LDLRAD4: variants seen among roughly 807,000 people sequenced by gnomAD.
The protein encoded by LDLRAD4 is low density lipoprotein receptor class A domain containing 4.
Under a neutral mutation model 17.0 loss-of-function variants are expected in LDLRAD4, and 5 were observed. The observed-to-expected ratio is 0.29, with a 90% CI of 0.15 to 0.62. The LOEUF is 0.62. Among genes scored for constraint, LDLRAD4 ranks in the 20% least tolerant of loss-of-function variants. LDLRAD4 has a pLI of 0.84. For synonymous variants in LDLRAD4, 168 were observed against 171.8 expected (o/e 0.98, Z 0.17); for missense variants, 340 against 424.7 (o/e 0.80, Z 1.75).
chr18:13,590,322 G>A (rs2095002740), intron 3 of LDLRAD4, among the ~76,000 whole-genome samples: 3 of 137,534 alleles, frequency 2.2e-5, no homozygotes, highest in African/African-American at 5.6e-5. Context: ...GTGTTGGTAT[G>A]TGTATGTGGG....
chr18:13,459,966 C>G (rs368092082), intron 3 of LDLRAD4: 1 of 153,984 alleles, frequency 6.5e-6, no homozygotes, highest in African/African-American at 2.4e-5. Flanking sequence ...CTGGCTCCAG[C>G]CCTGTCACAT....
At chr18:13,620,463 C>T (rs964965608) in intron 3 of LDLRAD4, among the ~76,000 whole-genome samples, 17 of 152,198 alleles carry the variant, frequency 1.1e-4, no homozygotes, top group Non-Finnish European at 2.1e-4. Context: ...CCAGGCCGCC[C>T]GTGAGCCCTC....
At chr18:13,349,255 A>G (rs1293856285) in intron 1 of LDLRAD4, among the ~76,000 whole-genome samples, 1 of 152,246 alleles carries the variant, frequency 6.6e-6, no homozygotes, top group Non-Finnish European at 1.5e-5. Flanking sequence ...TTTAATATCA[A>G]TGTCATACAA....
chr18:13,359,181 A>G (rs1308687400), intron 1 of LDLRAD4, among the ~76,000 whole-genome samples: 4 of 152,184 alleles, frequency 2.6e-5, no homozygotes, highest in South Asian at 2.1e-4. Flanking sequence ...GCATTGACAC[A>G]CTATAGGTGG....
chr18:13,289,312 C>G (rs1225499545), intron 1 of LDLRAD4, among the ~76,000 whole-genome samples: 1 of 152,188 alleles, frequency 6.6e-6, no homozygotes, highest in Admixed American at 6.5e-5. Context: ...GGTGTATAAA[C>G]TGAGGAAATG....
intron 1 of LDLRAD4, among the ~76,000 whole-genome samples, chr18:13,239,359 G>A (rs933473495): frequency 1.3e-5 from 2 of 152,038 alleles, no homozygotes; most frequent in African/African-American, 4.8e-5. Context: ...GGAACAAAGG[G>A]GAGTGCAGGG....
At chr18:13,523,983 G>A (rs1225244188) in intron 3 of LDLRAD4, among the ~76,000 whole-genome samples, 1 of 152,192 alleles carries the variant, frequency 6.6e-6, no homozygotes, top group African/African-American at 2.4e-5. Context: ...CTCTGCCTTG[G>A]CCTGGACACA....
chr18:13,228,596 C>G (rs981384326), intron 1 of LDLRAD4, among the ~76,000 whole-genome samples: 1 of 152,256 alleles, frequency 6.6e-6, no homozygotes, highest in East Asian at 1.9e-4. Flanking sequence ...TGTTTTTCTG[C>G]TACTTTGGCT....
upstream of LDLRAD4, among the ~76,000 whole-genome samples, chr18:13,275,171 T>G (rs909649547): frequency 6.6e-6 from 1 of 152,246 alleles, no homozygotes; most frequent in African/African-American, 2.4e-5. Flanking sequence ...AAGGAAAGAT[T>G]TATTGATACT....
At chr18:13,620,460 G>A (rs1033019242) in intron 3 of LDLRAD4, among the ~76,000 whole-genome samples, 3 of 152,300 alleles carry the variant, frequency 2.0e-5, no homozygotes, top group Admixed American at 1.3e-4. Context: ...GCTCCAGGCC[G>A]CCCGTGAGCC....
At position 13,604,231 on chromosome 18, in the gene LDLRAD4, T is replaced by C. The variant is rs1463529272; in HGVS notation, c.182-16886T>C. Among the ~76,000 whole-genome samples the C allele has an allele frequency of 2.0e-5, 3 of 152,214 alleles. No individual in the cohort carries two copies. The East Asian group carries it at 5.8e-4, about 29-fold the overall frequency. ...GAAGAAATGAATGATTTGGCCAAGC[T>C]AAAGGTCTTGGAGCCACCTGGACAC... is the stretch of plus-strand genomic sequence containing the variant. On this transcript the variant is annotated intron_variant, in intron 3 of 5. Transcript: ENST00000359446.
At chr18:13,572,057 TTA>T (rs1282339376) in intron 3 of LDLRAD4, among the ~76,000 whole-genome samples, 4 of 152,212 alleles carry the variant, frequency 2.6e-5, no homozygotes, top group African/African-American at 9.7e-5. Flanking sequence ...CAATATATGA[TTA>T]GAAACTGTAA....
intron 3 of LDLRAD4, among the ~76,000 whole-genome samples, chr18:13,537,746 A>G (rs2094220075): frequency 6.6e-6 from 1 of 152,138 alleles, no homozygotes; most frequent in Non-Finnish European, 1.5e-5. Flanking sequence ...TGTATTTAAT[A>G]GGATTCATCA....
intron 3 of LDLRAD4, among the ~76,000 whole-genome samples, chr18:13,474,219 A>T (rs1385322750): frequency 6.6e-6 from 1 of 152,092 alleles, no homozygotes; most frequent in Non-Finnish European, 1.5e-5. Context: ...AGCCAGTTAA[A>T]CCTCTTTTTT....
intron 1 of LDLRAD4, among the ~76,000 whole-genome samples, chr18:13,261,041 C>A (rs2043790028): frequency 6.6e-6 from 1 of 152,248 alleles, no homozygotes; most frequent in Non-Finnish European, 1.5e-5. Flanking sequence ...CCCCATCCCT[C>A]CTCTAATGCG....
chr18:13,575,308 G>T (rs1269035801), intron 3 of LDLRAD4, among the ~76,000 whole-genome samples: 1 of 152,142 alleles, frequency 6.6e-6, no homozygotes, highest in African/African-American at 2.4e-5. Context: ...TCCCACTTGT[G>T]AGTGAGAACA....
intron 3 of LDLRAD4, among the ~76,000 whole-genome samples, chr18:13,556,064 A>T (rs2094480455): frequency 6.6e-6 from 1 of 152,120 alleles, no homozygotes; most frequent in Non-Finnish European, 1.5e-5. Flanking sequence ...GAGATTTATG[A>T]TTTGTGAACT....
chr18:13,285,357 G>A (rs1156260527), intron 1 of LDLRAD4, among the ~76,000 whole-genome samples: 1 of 152,184 alleles, frequency 6.6e-6, no homozygotes, highest in Non-Finnish European at 1.5e-5. Context: ...TTCAGTGATG[G>A]TCAGATTGGA....
At chr18:13,564,717 CG>C in intron 3 of LDLRAD4, among the ~76,000 whole-genome samples, 2 of 151,696 alleles carry the variant, frequency 1.3e-5, no homozygotes, top group East Asian at 1.9e-4. Context: ...TTCCTCCTGG[CG>C]GGGCCGTGAG....
Sources: gnomAD v4.1 joint callset for allele counts (sites outside exome capture counted in the v4.1 genomes callset) on GRCh38, gnomAD v4.1.1 for gene constraint, MANE v1.5 for transcripts, NCBI Gene and HGNC (gene_info 2026-07-23, HGNC 2026-07-21) for gene names.